The following OSBPL6 variants were observed in gnomAD, a reference collection of about 807,000 sequenced individuals.
OSBPL6 encodes the protein oxysterol-binding protein-related protein 6.
A neutral mutation model predicts 125.8 loss-of-function variants in OSBPL6; 49 were observed. That is an observed-to-expected ratio of 0.39 (90% CI 0.31 to 0.49). The LOEUF (loss-of-function observed/expected upper bound fraction) is 0.49. Ranked by LOEUF, OSBPL6 falls within the 20% of genes least tolerant of loss-of-function variation. OSBPL6 has a pLI of 0.88. For synonymous variants in OSBPL6, 394 were observed against 391.8 expected (o/e 1.01, Z -0.07); for missense variants, 986 against 1,135.4 (o/e 0.87, Z 1.89).
rs1160586550 is a variant in OSBPL6, at chr2:178,402,684, A to C, written c.*7125A>C. On this transcript the variant is annotated 3_prime_UTR_variant, in exon 25 of 25. Transcript: ENST00000190611. The stretch of plus-strand genomic sequence containing the variant: ...ACGGTCATTTTGAGATAGAAAAATT[A>C]AATTTTTTTAGGAAAAGAATTTCAA... 2.0e-5 allele frequency: 3 copies of C among 152,254 alleles called. No homozygotes were observed. Among genetic ancestry groups the C allele is most frequent in the Non-Finnish European group, 4.4e-5 (3 of 68,040 alleles). The allele number at this position is 152,254 out of a possible 1,614,324, so 9.4% of individuals were successfully genotyped here. A position where few individuals can be genotyped will look rare whatever the true frequency, so the allele number is the denominator to read the frequency against.
chr2:178,324,127 C>A, intron 3 of OSBPL6, 50 bp from the exon 4 acceptor site: 3 of 1,217,030 alleles, frequency 2.5e-6, no homozygotes, highest in Non-Finnish European at 3.5e-6. Flanking sequence ...TGCACATTCA[C>A]ATGAAAAGTG....
intron 15 of OSBPL6, among the ~76,000 whole-genome samples, chr2:178,375,875 C>T (rs1367491767): frequency 6.6e-6 from 1 of 152,140 alleles, no homozygotes; most frequent in East Asian, 1.9e-4. Flanking sequence ...TACTGCTTGC[C>T]CTGGACACTG....
intron 13 of OSBPL6, among the ~76,000 whole-genome samples, chr2:178,362,885 G>T (rs933895754): frequency 2.0e-5 from 3 of 152,170 alleles, no homozygotes; most frequent in Admixed American, 2.0e-4. Context: ...AATCCGCTAC[G>T]ATTCTGCCAG....
rs138760670 is a variant in OSBPL6 at position 178,330,484 on chromosome 2, T to C, written c.319-1068T>C. ...TTAAGGGCAACTGATTTTAATCAAG[T>C]GTTTTTCAACCGTAGAGACTCTTTT... On this transcript the variant is annotated intron_variant, in intron 5 of 24. Transcript: ENST00000190611. Among the ~76,000 whole-genome samples the C allele has an allele frequency of 2.6e-5, 4 of 152,310 alleles. No individual in the cohort carries two copies. In the East Asian group the frequency reaches 7.7e-4, roughly 29 times the overall value.
At chr2:178,273,289 TA>T (rs1168838616) in intron 1 of OSBPL6, among the ~76,000 whole-genome samples, 4 of 152,178 alleles carry the variant, frequency 2.6e-5, no homozygotes, top group Non-Finnish European at 5.9e-5. Context: ...ATTTCAGTAT[TA>T]ACTTAAGTAT....
chr2:178,380,443 T>TAA (rs976255848), intron 15 of OSBPL6, among the ~76,000 whole-genome samples: 1 of 97,422 alleles, frequency 1.0e-5, no homozygotes, highest in African/African-American at 4.2e-5. Flanking sequence ...GGCAGCAGAG[T>TAA]AAGAGTCTGT....
chr2:178,200,000 C>T (rs1004478299), intron 1 of OSBPL6, among the ~76,000 whole-genome samples: 1 of 152,078 alleles, frequency 6.6e-6, no homozygotes, highest in Non-Finnish European at 1.5e-5. Flanking sequence ...TAAAAAAGTT[C>T]TTCGAGAATA....
chr2:178,196,069 G>A (rs953230991), intron 1 of OSBPL6, among the ~76,000 whole-genome samples: 3 of 149,450 alleles, frequency 2.0e-5, no homozygotes, highest in Non-Finnish European at 3.0e-5. Context: ...AGCTCACAAC[G>A]TTGATATTTC....
intron 2 of OSBPL6, among the ~76,000 whole-genome samples, chr2:178,293,976 G>A (rs973145139): frequency 6.6e-6 from 1 of 151,924 alleles, no homozygotes; most frequent in Non-Finnish European, 1.5e-5. Flanking sequence ...AATATAAAAA[G>A]TAAAATTATA....
chr2:178,367,743 T>C (rs1433120359), intron 13 of OSBPL6, among the ~76,000 whole-genome samples: 1 of 152,196 alleles, frequency 6.6e-6, no homozygotes, highest in African/African-American at 2.4e-5. Flanking sequence ...GGACATGAGG[T>C]GTGGGGAAAT....
rs141687557 is a variant in OSBPL6, at chr2:178,220,498, G to A, written c.-351+25824G>A. Among the ~76,000 whole-genome samples the A allele has an allele frequency of 2.0e-3, 299 of 152,110 alleles. 1 individual carries two copies. Among genetic ancestry groups the A allele is most frequent in the African/African-American group, 6.5e-3 (269 of 41,490 alleles). ...TTTTGTATCATTTTGTAGACACAGAGTCTCGCCATGTTGCCCAGGCTGGTC... is the reference window on the plus strand; with the variant it reads ...TTTTGTATCATTTTGTAGACACAGAATCTCGCCATGTTGCCCAGGCTGGTC... On this transcript the variant is annotated intron_variant, in intron 1 of 24. Transcript: ENST00000190611.
intron 11 of OSBPL6, among the ~76,000 whole-genome samples, chr2:178,339,969 G>T (rs534562713): frequency 1.2e-4 from 19 of 152,022 alleles, no homozygotes; most frequent in Non-Finnish European, 2.2e-4. Flanking sequence ...TAAAAGAAAG[G>T]TTAAAATTAT....
At chr2:178,320,334 G>A in intron 3 of OSBPL6, 1 of 1,612,836 alleles carries the variant, frequency 6.2e-7, no homozygotes, top group Non-Finnish European at 8.5e-7. Flanking sequence ...AGTGAAATAT[G>A]TGTTCCAGGT....
At chr2:178,285,808 C>T (rs898118364) in intron 2 of OSBPL6, among the ~76,000 whole-genome samples, 4 of 152,296 alleles carry the variant, frequency 2.6e-5, no homozygotes, top group East Asian at 3.9e-4. Flanking sequence ...TAATCGTCTT[C>T]GGGAGCTTTT....
At chr2:178,218,856 C>A (rs2090211839) in intron 1 of OSBPL6, among the ~76,000 whole-genome samples, 1 of 152,090 alleles carries the variant, frequency 6.6e-6, no homozygotes, top group Non-Finnish European at 1.5e-5. Context: ...TCTTGAACTC[C>A]TGACCTCGTG....
chr2:178,330,884 T>G (rs1689138183), intron 5 of OSBPL6, among the ~76,000 whole-genome samples: 1 of 152,170 alleles, frequency 6.6e-6, no homozygotes, highest in Admixed American at 6.5e-5. Flanking sequence ...GCAAATCCAT[T>G]CAGACTGTAC....
chr2:178,209,163 T>A (rs1011477025), intron 1 of OSBPL6, among the ~76,000 whole-genome samples: 1 of 152,162 alleles, frequency 6.6e-6, no homozygotes, highest in African/African-American at 2.4e-5. Flanking sequence ...ACATCTTCAT[T>A]AGTTTTATTG....
At position 178,263,465 on chromosome 2, in the gene OSBPL6, C is replaced by T. The variant is rs192484843; in HGVS notation, c.-350-21462C>T. On this transcript the variant is annotated intron_variant, in intron 1 of 24. Coordinates refer to ENST00000190611, the MANE Select transcript of OSBPL6 (RefSeq NM_032523.4). ...TGCACTTCAGCCTGGGCAACAAAAG[C>T]GAAACTCAGTCCCAAAAAAAGGAAT... Among the ~76,000 whole-genome samples, 115 of 152,180 alleles carry T rather than the reference C, an allele frequency of 7.6e-4. 1 individual carries two copies. Among genetic ancestry groups the T allele is most frequent in the African/African-American group, 2.7e-3 (111 of 41,498 alleles).
intron 14 of OSBPL6, among the ~76,000 whole-genome samples, chr2:178,373,498 T>C (rs1374447238): frequency 6.6e-6 from 1 of 152,248 alleles, no homozygotes; most frequent in Non-Finnish European, 1.5e-5. Flanking sequence ...ATTAGTTTTA[T>C]AGATTTTCTT....
Sources: allele counts gnomAD v4.1 joint callset (sites outside exome capture counted in the v4.1 genomes callset), GRCh38; gene constraint gnomAD v4.1.1; transcripts MANE v1.5; gene names NCBI Gene and HGNC (gene_info 2026-07-23, HGNC 2026-07-21).